CAMKMT: variants seen among roughly 807,000 people sequenced by gnomAD.
CAMKMT encodes CaM KMT.
In CAMKMT, 53 loss-of-function variants were observed where a neutral mutation model predicts 48.0. That is an observed-to-expected ratio of 1.10 (90% CI 0.89 to 1.39). The LOEUF is 1.39. Ranked by LOEUF, CAMKMT falls within the 40% of genes most tolerant of loss-of-function variation. CAMKMT has a pLI of 0.00. For missense variants in CAMKMT, 428 were observed against 402.7 expected (o/e 1.06, Z -0.54); for synonymous variants, 165 against 152.3 (o/e 1.08, Z -0.61).
chr2:44,568,381 A>G (rs914332085), intron 3 of CAMKMT, among the ~76,000 whole-genome samples: 3 of 152,176 alleles, frequency 2.0e-5, no homozygotes, highest in Admixed American at 1.3e-4. Flanking sequence ...ACCCTCCTGA[A>G]TGAACATAAT....
Position 44,624,294 on chromosome 2 carries a change from G to GT in CAMKMT, c.377-79981dup, listed in dbSNP as rs991954059. ...AAATATCTAGGAATGGAATGGCTGG[G>GT]TTTTTTTTCTTTTTTCTATTTCAAA... On this transcript the variant is annotated intron_variant, in intron 3 of 10. Coordinates refer to ENST00000378494, the MANE Select transcript of CAMKMT (RefSeq NM_024766.5). 1.6e-4 allele frequency among the ~76,000 whole-genome samples: 24 copies of GT among 151,564 alleles called. No individual in the cohort carries two copies. The East Asian group carries it at 2.7e-3, about 17-fold the overall frequency.
At chr2:44,765,004 C>T (rs780669799) in intron 9 of CAMKMT, among the ~76,000 whole-genome samples, 9 of 152,056 alleles carry the variant, frequency 5.9e-5, no homozygotes, top group Non-Finnish European at 1.2e-4. Flanking sequence ...GGGAGGACCA[C>T]CTGAGGTCAG....
chr2:44,681,603 T>C (rs906239958), intron 3 of CAMKMT, among the ~76,000 whole-genome samples: 1 of 151,942 alleles, frequency 6.6e-6, no homozygotes, highest in African/African-American at 2.4e-5. Context: ...AGGTCCTTTC[T>C]TTAGCCAGTC....
At chr2:44,493,490 T>G (rs73924782) in intron 3 of CAMKMT, among the ~76,000 whole-genome samples, 4,539 of 152,320 alleles carry the variant, frequency 0.03, 216 homozygotes, top group African/African-American at 0.1. Flanking sequence ...ATTTGTTTTA[T>G]AAAGTGCTAA....
chr2:44,387,569 G>A lies in CAMKMT; in HGVS notation c.312-2672G>A, dbSNP rs551883630. On this transcript the variant is annotated intron_variant, in intron 2 of 10. Coordinates refer to ENST00000378494, the MANE Select transcript of CAMKMT (RefSeq NM_024766.5). ...ATTAATTGTACTCTTTGTTGCCTGAGTACTTTGTTTTTTTTTGTTTTTGCT... is the reference window on the plus strand; with the variant it reads ...ATTAATTGTACTCTTTGTTGCCTGAATACTTTGTTTTTTTTTGTTTTTGCT... Among the ~76,000 whole-genome samples the A allele has an allele frequency of 2.6e-5, 4 of 152,072 alleles. No individual in the cohort carries two copies. In the South Asian group the frequency reaches 6.2e-4, roughly 24 times the overall value.
chr2:44,498,995 A>G (rs1385597464), intron 3 of CAMKMT, among the ~76,000 whole-genome samples: 1 of 152,194 alleles, frequency 6.6e-6, no homozygotes, highest in Non-Finnish European at 1.5e-5. Context: ...CACTGTGTTT[A>G]TGAGGGTAAA....
chr2:44,564,844 C>G (rs143236447), intron 3 of CAMKMT, among the ~76,000 whole-genome samples: 1,616 of 152,268 alleles, frequency 0.011, 9 homozygotes, highest in Non-Finnish European at 0.015. Flanking sequence ...CCGGCCCAAG[C>G]TGATAACACT....
At chr2:44,384,944 T>G (rs1680632991) in intron 2 of CAMKMT, among the ~76,000 whole-genome samples, 1 of 152,156 alleles carries the variant, frequency 6.6e-6, no homozygotes, top group Non-Finnish European at 1.5e-5. Context: ...TTTTGCTTAG[T>G]CTTGCTTTGG....
At chr2:44,655,136 G>A (rs1167698552) in intron 3 of CAMKMT, among the ~76,000 whole-genome samples, 1 of 152,160 alleles carries the variant, frequency 6.6e-6, no homozygotes, top group Admixed American at 6.5e-5. Flanking sequence ...ATTTTTAGGT[G>A]TCAGAGATCA....
intron 3 of CAMKMT, among the ~76,000 whole-genome samples, chr2:44,420,740 A>G (rs952693893): frequency 6.6e-6 from 1 of 151,966 alleles, no homozygotes; most frequent in African/African-American, 2.4e-5. Context: ...TTTTTAAAAT[A>G]TTTGTTGATA....
chr2:44,542,533 ACACACTCTCT>A (rs764324877), intron 3 of CAMKMT, among the ~76,000 whole-genome samples: 1 of 62,352 alleles, frequency 1.6e-5, no homozygotes. Flanking sequence ...ACACACACAC[ACACACTCTCT>A]CTCTCTCTCT....
chr2:44,437,376 G>A (rs977415734), intron 3 of CAMKMT, among the ~76,000 whole-genome samples: 9 of 152,148 alleles, frequency 5.9e-5, no homozygotes, highest in African/African-American at 2.2e-4. Flanking sequence ...GCTTAAAGAG[G>A]CCCCAAGCAG....
At chr2:44,536,641 T>C (rs1477582213) in intron 3 of CAMKMT, among the ~76,000 whole-genome samples, 1 of 152,032 alleles carries the variant, frequency 6.6e-6, no homozygotes, top group African/African-American at 2.4e-5. Flanking sequence ...AACGTTATTT[T>C]TCGTAGAAAT....
chr2:44,375,377 T>TA (rs963996366), intron 2 of CAMKMT, among the ~76,000 whole-genome samples: 6 of 151,180 alleles, frequency 4.0e-5, no homozygotes, highest in Admixed American at 1.3e-4. Flanking sequence ...TATATATATA[T>TA]AAAAAAACAG....
chr2:44,527,785 G>GCC (rs71393280), intron 3 of CAMKMT, among the ~76,000 whole-genome samples: 27,524 of 84,540 alleles, frequency 0.33, 6,740 homozygotes, highest in Non-Finnish European at 0.45. Context: ...CATGTGTACA[G>GCC]CCCCCCCCCC....
At chr2:44,744,951 T>C (rs1210315510) in intron 8 of CAMKMT, among the ~76,000 whole-genome samples, 1 of 152,152 alleles carries the variant, frequency 6.6e-6, no homozygotes, top group African/African-American at 2.4e-5. Context: ...TCAATGATAA[T>C]GTGCCTCAAT....
intron 3 of CAMKMT, among the ~76,000 whole-genome samples, chr2:44,626,355 C>G (rs757483297): frequency 3.9e-5 from 6 of 152,020 alleles, no homozygotes; most frequent in Non-Finnish European, 7.4e-5. Flanking sequence ...TATAGAAATA[C>G]AATTGATTTT....
chr2:44,530,275 A>G (rs1294670999), intron 3 of CAMKMT, among the ~76,000 whole-genome samples: 2 of 152,234 alleles, frequency 1.3e-5, no homozygotes, highest in African/African-American at 2.4e-5. Context: ...TGAATGTATT[A>G]TCTGTTATAT....
chr2:44,637,921 T>A (rs566596917), intron 3 of CAMKMT, among the ~76,000 whole-genome samples: 17 of 151,868 alleles, frequency 1.1e-4, no homozygotes, highest in African/African-American at 3.9e-4. Context: ...AAAAATTAGC[T>A]GGGCATGGTG....
Sources: allele counts gnomAD v4.1 joint callset (sites outside exome capture counted in the v4.1 genomes callset), GRCh38; gene constraint gnomAD v4.1.1; transcripts MANE v1.5; gene names NCBI Gene and HGNC (gene_info 2026-07-23, HGNC 2026-07-21).